Variants in KATNBL1 observed in about 807,000 individuals in gnomAD.
The protein encoded by KATNBL1 is KATNB1-like protein 1.
KATNBL1 carries 28 observed loss-of-function variants against 44.7 expected under a neutral mutation model. The ratio of observed to expected loss-of-function variants is 0.63; its 90% CI spans 0.46 to 0.86. The LOEUF is 0.86. KATNBL1 is among the 40% of genes least tolerant of loss of function. The pLI, the probability that KATNBL1 is intolerant of heterozygous loss-of-function variation, is 0.00. For synonymous variants in KATNBL1, 78 were observed against 114.9 expected (o/e 0.68, Z 2.06); for missense variants, 272 against 350.7 (o/e 0.78, Z 1.79).
At position 34,194,234 on chromosome 15, in the gene KATNBL1, C is replaced by G. The variant is rs577763104; in HGVS notation, c.-15+15717G>C. ...GGATTATAGGCGTGAGCCACTGCAC[C>G]CAGCCTGCAGTTTAGTTTTATATGC... On this transcript the variant is annotated intron_variant, in intron 1 of 9. Coordinates refer to ENST00000256544, the MANE Select transcript of KATNBL1 (RefSeq NM_024713.3). 5.9e-5 allele frequency among the ~76,000 whole-genome samples: 9 copies of G among 152,264 alleles called. No homozygotes were observed. The East Asian group carries it at 1.7e-3, about 29-fold the overall frequency.
At chr15:34,148,298 A>G (rs1888368423) in intron 5 of KATNBL1, 2 of 162,936 alleles carry the variant, frequency 1.2e-5, no homozygotes, top group Admixed American at 1.2e-4. Flanking sequence ...TGGGTGAGGA[A>G]TGTAATTTAA....
intron 1 of KATNBL1, chr15:34,165,790 T>C (rs1888951647): frequency 6.6e-6 from 1 of 151,960 alleles, no homozygotes; most frequent in Non-Finnish European, 1.5e-5. Flanking sequence ...CAAGACTCTG[T>C]CTCGAAAAAA....
At chr15:34,200,553 G>A (rs926710004) in intron 1 of KATNBL1, among the ~76,000 whole-genome samples, 15 of 150,276 alleles carry the variant, frequency 1.0e-4, no homozygotes, top group South Asian at 6.3e-4. Context: ...GAGCCACCAC[G>A]CCCCGCCCAC....
Position 34,193,851 on chromosome 15 carries a change from CAAAAAAAAAAAAAAAAA to C in KATNBL1, c.-15+16083_-15+16099del, listed in dbSNP as rs58951561. 2.5e-4 allele frequency among the ~76,000 whole-genome samples: 16 copies of C among 63,562 alleles called. No individual in the cohort carries two copies. The South Asian group carries it at 6.6e-3, about 26-fold the overall frequency. 41.7% of individuals were successfully genotyped at this position (63,562 alleles called of 152,430 possible). A position where few individuals can be genotyped will look rare whatever the true frequency, so the allele number is the denominator to read the frequency against. On this transcript the variant is annotated intron_variant, in intron 1 of 9. Transcript: ENST00000256544. ...TGGGTGACAGAGAAAGGCCCTGTCT[CAAAAAAAAAAAAAAAAA>C]AAAAAAAAAAAATCACCAGCAAAAT...
chr15:34,163,106 CG>C (rs1478126521), intron 2 of KATNBL1, among the ~76,000 whole-genome samples: 9 of 149,604 alleles, frequency 6.0e-5, no homozygotes, highest in South Asian at 2.1e-4. Flanking sequence ...TGCAATGGCG[CG>C]ATCTCAGCTC....
intron 2 of KATNBL1, among the ~76,000 whole-genome samples, chr15:34,160,245 G>A (rs1888756335): frequency 6.6e-6 from 1 of 152,108 alleles, no homozygotes; most frequent in Admixed American, 6.5e-5. Context: ...GGAGAGCGGG[G>A]GTCTAGCTTC....
chr15:34,205,023 C>A (rs942183066), intron 1 of KATNBL1, among the ~76,000 whole-genome samples: 19 of 145,428 alleles, frequency 1.3e-4, no homozygotes, highest in African/African-American at 4.8e-4. Context: ...AAGATGGAGT[C>A]TCGCTCTGTT....
chr15:34,204,707 A>C (rs1376107209), intron 1 of KATNBL1, among the ~76,000 whole-genome samples: 2 of 152,350 alleles, frequency 1.3e-5, no homozygotes, highest in East Asian at 3.9e-4. Context: ...TCAACTGGAA[A>C]CATACTTTGT....
intron 1 of KATNBL1, among the ~76,000 whole-genome samples, chr15:34,199,302 T>G (rs1890106551): frequency 6.6e-6 from 1 of 152,054 alleles, no homozygotes; most frequent in Non-Finnish European, 1.5e-5. Flanking sequence ...CCTGGTGTGG[T>G]GGCATGAGCC....
At chr15:34,162,094 G>A (rs1888825153) in intron 2 of KATNBL1, among the ~76,000 whole-genome samples, 1 of 152,130 alleles carries the variant, frequency 6.6e-6, no homozygotes, top group Non-Finnish European at 1.5e-5. Context: ...TAATTCTGTA[G>A]TCTGAATCAA....
chr15:34,148,428 T>TC (rs1174392498), intron 5 of KATNBL1: 5 of 368,310 alleles, frequency 1.4e-5, no homozygotes, highest in Non-Finnish European at 2.5e-5. Flanking sequence ...TCCAAAAAAT[T>TC]TTTTTAAAAA....
chr15:34,149,549 C>T (rs1597425614), intron 4 of KATNBL1, among the ~76,000 whole-genome samples: 1 of 152,070 alleles, frequency 6.6e-6, no homozygotes, highest in East Asian at 1.9e-4. Flanking sequence ...TCACCCTCCC[C>T]GAGTAGCTGG....
chr15:34,193,351 T>G (rs1889942336), intron 1 of KATNBL1, among the ~76,000 whole-genome samples: 1 of 151,030 alleles, frequency 6.6e-6, no homozygotes, highest in Non-Finnish European at 1.5e-5. Context: ...CTGGCCAATA[T>G]GGCAAAATCC....
chr15:34,183,715 T>C (rs1256683928), intron 1 of KATNBL1, among the ~76,000 whole-genome samples: 1 of 152,216 alleles, frequency 6.6e-6, no homozygotes, highest in Non-Finnish European at 1.5e-5. Flanking sequence ...GAGAATATTT[T>C]GATGTTCAAA....
At chr15:34,179,384 G>C (rs1162339961) in intron 1 of KATNBL1, among the ~76,000 whole-genome samples, 1 of 152,162 alleles carries the variant, frequency 6.6e-6, no homozygotes, top group Admixed American at 6.5e-5. Context: ...TCATGACAGA[G>C]CCCTCATGAC....
In KATNBL1 at chr15:34,140,979, G is replaced by A. The variant is rs924888761; in HGVS notation, c.*1360C>T. 6 of 152,104 alleles carry A rather than the reference G, an allele frequency of 3.9e-5. No homozygotes were observed. Among genetic ancestry groups the A allele is most frequent in the Non-Finnish European group, 5.9e-5 (4 of 67,984 alleles). The allele number at this position is 152,104 out of a possible 1,614,324, so 9.4% of individuals were successfully genotyped here. A position where few individuals can be genotyped will look rare whatever the true frequency, so the allele number is the denominator to read the frequency against. ...AGATTCGTATCAGTAGTCATTAAACGAATAAATGCTAAAGGTTTACATTCA... is the reference window on the plus strand; with the variant it reads ...AGATTCGTATCAGTAGTCATTAAACAAATAAATGCTAAAGGTTTACATTCA... On this transcript the variant is annotated 3_prime_UTR_variant, in exon 10 of 10. Transcript: ENST00000256544.
intron 1 of KATNBL1, among the ~76,000 whole-genome samples, chr15:34,201,026 A>G (rs1253101165): frequency 2.0e-5 from 3 of 152,098 alleles, no homozygotes; most frequent in African/African-American, 2.4e-5. Context: ...CATGTTGGCC[A>G]GAATGGTCTC....
At chr15:34,195,694 A>G (rs1002399268) in intron 1 of KATNBL1, among the ~76,000 whole-genome samples, 1 of 151,280 alleles carries the variant, frequency 6.6e-6, no homozygotes, top group African/African-American at 2.5e-5. Context: ...CCATCTCAAA[A>G]AAAAAAAAAA....
intron 3 of KATNBL1, among the ~76,000 whole-genome samples, chr15:34,153,697 A>T (rs962061327): frequency 5.3e-5 from 8 of 151,986 alleles, no homozygotes; most frequent in African/African-American, 1.9e-4. Flanking sequence ...CAGCCTCCTG[A>T]GTAGCTGGGA....
Sources: allele counts gnomAD v4.1 joint callset (sites outside exome capture counted in the v4.1 genomes callset), GRCh38; gene constraint gnomAD v4.1.1; transcripts MANE v1.5; gene names NCBI Gene and HGNC (gene_info 2026-07-23, HGNC 2026-07-21).